The following CNBD1 variants were observed in gnomAD, a reference collection of about 807,000 sequenced individuals.
CNBD1 encodes the protein cyclic nucleotide binding domain containing 1.
In CNBD1, 71 loss-of-function variants were observed where a neutral mutation model predicts 54.4. That is an observed-to-expected ratio of 1.30 (90% CI 1.08 to 1.59). The LOEUF is 1.59. CNBD1 is among the 40% of genes most tolerant of loss of function. CNBD1 has a pLI of 0.00. For synonymous variants in CNBD1, 182 were observed against 170.7 expected (o/e 1.07, Z -0.51); for missense variants, 659 against 518.0 (o/e 1.27, Z -2.64).
chr8:86,946,788 T>C (rs2130438923), intron 4 of CNBD1, among the ~76,000 whole-genome samples: 1 of 152,298 alleles, frequency 6.6e-6, no homozygotes, highest in Middle Eastern at 3.4e-3. Flanking sequence ...AAATCCATGA[T>C]TTCATTAAAA....
At position 87,301,593 on chromosome 8, in the gene CNBD1, A is replaced by G. The variant is rs115035353; in HGVS notation, c.1042+14922A>G. Among the ~76,000 whole-genome samples the G allele has an allele frequency of 3.9e-3, 595 of 152,240 alleles. 8 individuals carry two copies. Among genetic ancestry groups the G allele is most frequent in the African/African-American group, 0.014 (562 of 41,574 alleles). On this transcript the variant is annotated intron_variant, in intron 8 of 10. Transcript: ENST00000518476. Reference sequence around the variant, plus strand: ...CCATATAAACAGAACGCAAGTCAATAAATGTGATACACCACATAAACAGAA... The same window carrying G: ...CCATATAAACAGAACGCAAGTCAATGAATGTGATACACCACATAAACAGAA...
intron 6 of CNBD1, among the ~76,000 whole-genome samples, chr8:87,265,397 A>C (rs148563415): frequency 6.6e-6 from 1 of 152,110 alleles, no homozygotes; most frequent in African/African-American, 2.4e-5. Context: ...TGTTTTGGTT[A>C]CTGTAGCCTT....
chr8:87,213,391 G>C (rs1159676613), intron 5 of CNBD1, among the ~76,000 whole-genome samples: 2 of 152,168 alleles, frequency 1.3e-5, no homozygotes, highest in Non-Finnish European at 2.9e-5. Flanking sequence ...AAGGAAAGAA[G>C]TTTAATGGAC....
intron 5 of CNBD1, among the ~76,000 whole-genome samples, chr8:87,223,889 T>C (rs1024811865): frequency 1.0e-3 from 156 of 152,062 alleles, no homozygotes; most frequent in Non-Finnish European, 9.9e-4. Context: ...TTCTCCACAT[T>C]CTCTCCAGCA....
At chr8:87,238,639 T>G (rs918463228) in intron 6 of CNBD1, among the ~76,000 whole-genome samples, 10 of 152,198 alleles carry the variant, frequency 6.6e-5, no homozygotes, top group African/African-American at 2.2e-4. Context: ...ATGAATATAT[T>G]TATATCTATG....
chr8:87,302,581 AG>A (rs1207743369), intron 8 of CNBD1, among the ~76,000 whole-genome samples: 2 of 151,962 alleles, frequency 1.3e-5, no homozygotes, highest in Admixed American at 1.3e-4. Flanking sequence ...GGCACAAGAC[AG>A]GGATGCCCTC....
intron 1 of CNBD1, among the ~76,000 whole-genome samples, chr8:86,882,501 T>C (rs1808620246): frequency 6.6e-6 from 1 of 151,768 alleles, no homozygotes; most frequent in Admixed American, 6.6e-5. Flanking sequence ...ATAGCTGTTA[T>C]TAAAAAGTAA....
intron 4 of CNBD1, among the ~76,000 whole-genome samples, chr8:86,991,456 G>A (rs2130528419): frequency 6.6e-6 from 1 of 151,582 alleles, no homozygotes. Context: ...TCATTCTGTT[G>A]AAGAACCACC....
chr8:87,083,585 C>CCTTTT (rs1563461724), intron 4 of CNBD1, among the ~76,000 whole-genome samples: 1 of 117,162 alleles, frequency 8.5e-6, no homozygotes. Flanking sequence ...CAATGTATTT[C>CCTTTT]TTTTTTTTTT....
rs199921387 is a variant in CNBD1, at chr8:87,120,365, G to T, written c.432-85628G>T. 3.3e-5 allele frequency among the ~76,000 whole-genome samples: 5 copies of T among 151,894 alleles called. No homozygotes were observed. The East Asian group carries it at 9.6e-4, about 29-fold the overall frequency. On this transcript the variant is annotated intron_variant, in intron 4 of 10. Transcript: ENST00000518476. ...TTTTCCATTTTGTCAGTGTATAGTTGTTCATGACAGTCTCTGATGATCTTT... is the reference window on the plus strand; with the variant it reads ...TTTTCCATTTTGTCAGTGTATAGTTTTTCATGACAGTCTCTGATGATCTTT...
At chr8:87,419,394 A>C (rs1807888398) in intron 2 of CNBD1, among the ~76,000 whole-genome samples, 1 of 151,918 alleles carries the variant, frequency 6.6e-6, no homozygotes, top group Admixed American at 6.6e-5. Flanking sequence ...AGTTGTATGA[A>C]TACACTGAAA....
intron 4 of CNBD1, among the ~76,000 whole-genome samples, chr8:86,944,837 T>G (rs1807428653): frequency 6.6e-6 from 1 of 152,014 alleles, no homozygotes; most frequent in East Asian, 1.9e-4. Flanking sequence ...CCTGTTAGAG[T>G]GCTGTGAAAT....
chr8:86,887,750 C>G (rs1808702596), intron 2 of CNBD1, 139 bp downstream of exon 2: 1 of 587,296 alleles, frequency 1.7e-6, no homozygotes, highest in African/African-American at 1.9e-5. Context: ...AGTTGAAAAC[C>G]TGGGGGTTAT....
intron 10 of CNBD1, among the ~76,000 whole-genome samples, chr8:87,375,966 A>G (rs1810922053): frequency 2.6e-5 from 4 of 151,952 alleles, no homozygotes; most frequent in Admixed American, 2.6e-4. Flanking sequence ...ACTTTCTGCG[A>G]TAAAAATTTA....
intron 8 of CNBD1, among the ~76,000 whole-genome samples, chr8:87,296,978 A>G (rs1045860680): frequency 3.9e-5 from 6 of 151,986 alleles, no homozygotes; most frequent in African/African-American, 1.2e-4. Flanking sequence ...AATCAAGGCC[A>G]TCCTAGCTAA....
intron 10 of CNBD1, among the ~76,000 whole-genome samples, chr8:87,370,948 C>A (rs1248717454): frequency 2.6e-5 from 4 of 151,024 alleles, no homozygotes; most frequent in Non-Finnish European, 5.9e-5. Context: ...CTACATATGG[C>A]TAGCCAGTTT....
At chr8:87,107,166 A>G (rs1811557515) in intron 4 of CNBD1, among the ~76,000 whole-genome samples, 1 of 152,158 alleles carries the variant, frequency 6.6e-6, no homozygotes, top group African/African-American at 2.4e-5. Flanking sequence ...TGATGTCTTA[A>G]AAGTAGCATG....
At chr8:87,262,073 G>C (rs977245483) in intron 6 of CNBD1, among the ~76,000 whole-genome samples, 1 of 152,062 alleles carries the variant, frequency 6.6e-6, no homozygotes, top group African/African-American at 2.4e-5. Flanking sequence ...AGGATCACTT[G>C]AACCCAGGAA....
intron 8 of CNBD1, among the ~76,000 whole-genome samples, chr8:87,339,896 A>T (rs1044002827): frequency 3.9e-5 from 6 of 152,144 alleles, no homozygotes; most frequent in Non-Finnish European, 7.4e-5. Context: ...TTTAACTTCT[A>T]TACCAAAATT....
Sources: allele counts gnomAD v4.1 joint callset (sites outside exome capture counted in the v4.1 genomes callset), GRCh38; gene constraint gnomAD v4.1.1; transcripts MANE v1.5; gene names NCBI Gene and HGNC (gene_info 2026-07-23, HGNC 2026-07-21).